The following RALYL variants were observed in gnomAD, a reference collection of about 807,000 sequenced individuals.
RALYL encodes the protein RNA-binding Raly-like protein.
Under a neutral mutation model 35.1 loss-of-function variants are expected in RALYL, and 29 were observed. That is an observed-to-expected ratio of 0.83 (90% confidence interval 0.61 to 1.13). RALYL has a LOEUF of 1.13. Among genes scored for constraint, RALYL ranks in the 50% most tolerant of loss-of-function variants. The pLI is 0.00. For synonymous variants in RALYL, 120 were observed against 127.6 expected (o/e 0.94, Z 0.40); for missense variants, 359 against 360.4 (o/e 1.00, Z 0.03).
intron 6 of RALYL, 49 bp downstream of exon 6, chr8:84,862,502 A>G (rs747721925): frequency 7.0e-7 from 1 of 1,422,854 alleles, no homozygotes; most frequent in Non-Finnish European, 9.4e-7. Flanking sequence ...GGAGTGATTA[A>G]CTATCATTGC....
chr8:84,428,728 A>T (rs1266096209), intron 1 of RALYL, among the ~76,000 whole-genome samples: 1 of 152,208 alleles, frequency 6.6e-6, no homozygotes, highest in Admixed American at 6.5e-5. Flanking sequence ...TTGCAGATAA[A>T]GGAATTCACA....
intron 1 of RALYL, among the ~76,000 whole-genome samples, chr8:84,273,092 T>G (rs1384969498): frequency 2.6e-5 from 4 of 152,248 alleles, no homozygotes; most frequent in Admixed American, 1.3e-4. Context: ...GAGGACAAGT[T>G]TACTGCTTTT....
intron 1 of RALYL, among the ~76,000 whole-genome samples, chr8:84,217,799 G>A (rs1482545761): frequency 1.3e-5 from 2 of 152,054 alleles, no homozygotes; most frequent in African/African-American, 4.8e-5. Flanking sequence ...GCTGTAAAAT[G>A]ATGATTGAAG....
intron 2 of RALYL, among the ~76,000 whole-genome samples, chr8:84,737,566 C>T (rs1358599962): frequency 1.3e-5 from 2 of 151,886 alleles, no homozygotes; most frequent in African/African-American, 2.4e-5. Context: ...AGATAATTAG[C>T]CTAACTTTAA....
chr8:84,622,578 C>A (rs574775473), intron 2 of RALYL, among the ~76,000 whole-genome samples: 2 of 152,078 alleles, frequency 1.3e-5, no homozygotes, highest in Non-Finnish European at 2.9e-5. Context: ...ATCAGGACAA[C>A]GCTCCACAGA....
chr8:84,186,319 A>G (rs949620347), intron 1 of RALYL, among the ~76,000 whole-genome samples: 1 of 152,204 alleles, frequency 6.6e-6, no homozygotes, highest in Non-Finnish European at 1.5e-5. Flanking sequence ...AACAGCTAAC[A>G]TAAAACATTA....
rs377536036 is a variant in RALYL at position 84,284,319 on chromosome 8, A to G, written c.-24+99895A>G. Among the ~76,000 whole-genome samples, 4 of 152,306 alleles carry G rather than the reference A, an allele frequency of 2.6e-5. No homozygotes were observed. In the East Asian group the frequency reaches 7.7e-4, roughly 29 times the overall value. On this transcript the variant is annotated intron_variant, in intron 1 of 8. Transcript: ENST00000521268. ...TTTTCAGAAAGTCAAGCAGTAATGC[A>G]GAAAATTGCTCGGTTTGAAAGACTG...
intron 2 of RALYL, among the ~76,000 whole-genome samples, chr8:84,682,718 G>C (rs1394788197): frequency 6.6e-6 from 1 of 152,022 alleles, no homozygotes; most frequent in African/African-American, 2.4e-5. Context: ...GCGTCTTTTT[G>C]ATTCGTCTCT....
At chr8:84,492,053 A>G (rs1414046315) in intron 1 of RALYL, among the ~76,000 whole-genome samples, 1 of 152,048 alleles carries the variant, frequency 6.6e-6, no homozygotes, top group African/African-American at 2.4e-5. Flanking sequence ...GAAGCAGAAT[A>G]TAACTTAAAA....
chr8:84,453,495 C>T (rs2133234526), intron 1 of RALYL, among the ~76,000 whole-genome samples: 1 of 152,018 alleles, frequency 6.6e-6, no homozygotes, highest in Non-Finnish European at 1.5e-5. Flanking sequence ...AAGACCAAAC[C>T]AGAGTTCAGG....
rs556866020 is a variant in RALYL at position 84,603,648 on chromosome 8, C to G, written c.256+74071C>G. 6.6e-5 allele frequency among the ~76,000 whole-genome samples: 10 copies of G among 152,126 alleles called. No homozygotes were observed. The South Asian group carries it at 2.1e-3, about 32-fold the overall frequency. ...ATTGGCACATGAGTAAGTGAAAGAGCTAGGTAATGACTCCCTGCCTGGCTG... is the reference window on the plus strand; with the variant it reads ...ATTGGCACATGAGTAAGTGAAAGAGGTAGGTAATGACTCCCTGCCTGGCTG... On this transcript the variant is annotated intron_variant, in intron 2 of 8. Transcript: ENST00000521268.
chr8:84,341,191 G>A (rs542813178), intron 1 of RALYL, among the ~76,000 whole-genome samples: 2 of 140,854 alleles, frequency 1.4e-5, no homozygotes, highest in South Asian at 4.5e-4. Context: ...TTGATTTGTA[G>A]GAGTTTTATA....
At position 84,403,898 on chromosome 8, in the gene RALYL, C is replaced by T. The variant is rs1258868733; in HGVS notation, c.-23-125401C>T. On this transcript the variant is annotated intron_variant, in intron 1 of 8. Coordinates refer to ENST00000521268, the MANE Select transcript of RALYL (RefSeq NM_173848.7). ...TCTCCTTGAAGAGGTCCTTTATATC[C>T]ACTGTAAGTTGTATTCCTAGGTATT... is the stretch of plus-strand genomic sequence containing the variant. Among the ~76,000 whole-genome samples the T allele has an allele frequency of 7.9e-5, 12 of 151,922 alleles. 1 individual carries two copies. Among genetic ancestry groups the T allele is most frequent in the Admixed American group, 7.9e-4 (12 of 15,258 alleles).
intron 1 of RALYL, among the ~76,000 whole-genome samples, chr8:84,486,066 G>C (rs1441474198): frequency 6.9e-6 from 1 of 145,344 alleles, no homozygotes; most frequent in Non-Finnish European, 1.5e-5. Flanking sequence ...AGCCTACAAG[G>C]CTCCACATGG....
chr8:84,695,747 C>A (rs994034869), intron 2 of RALYL, among the ~76,000 whole-genome samples: 1 of 151,736 alleles, frequency 6.6e-6, no homozygotes, highest in African/African-American at 2.4e-5. Flanking sequence ...AAATTGGTAG[C>A]AAACTTAGCA....
At chr8:84,283,233 G>C (rs1836961729) in intron 1 of RALYL, among the ~76,000 whole-genome samples, 1 of 152,048 alleles carries the variant, frequency 6.6e-6, no homozygotes, top group Non-Finnish European at 1.5e-5. Context: ...GAGTTAACCT[G>C]AGTTTGCTAT....
At chr8:84,396,710 T>C (rs1861822714) in intron 1 of RALYL, among the ~76,000 whole-genome samples, 1 of 152,142 alleles carries the variant, frequency 6.6e-6, no homozygotes. Flanking sequence ...TTAGCAACTC[T>C]GAAATTTATA....
At chr8:84,403,540 T>TTG (rs1586888588) in intron 1 of RALYL, among the ~76,000 whole-genome samples, 1 of 143,266 alleles carries the variant, frequency 7.0e-6, no homozygotes, top group African/African-American at 2.6e-5. Flanking sequence ...TTTTTTTTTT[T>TTG]TTTTTTTTTT....
At chr8:84,742,713 C>A (rs1301803755) in intron 2 of RALYL, among the ~76,000 whole-genome samples, 1 of 151,956 alleles carries the variant, frequency 6.6e-6, no homozygotes, top group African/African-American at 2.4e-5. Flanking sequence ...ATGGAACATC[C>A]CCCAAGGGGA....
Sources: gnomAD v4.1 joint callset for allele counts (sites outside exome capture counted in the v4.1 genomes callset) on GRCh38, gnomAD v4.1.1 for gene constraint, MANE v1.5 for transcripts, NCBI Gene and HGNC (gene_info 2026-07-23, HGNC 2026-07-21) for gene names.